Variants in AUTS2 observed in about 807,000 individuals in gnomAD.
AUTS2 encodes the protein autism susceptibility gene 2 protein.
A neutral mutation model predicts 112.4 loss-of-function variants in AUTS2; 17 were observed. The observed-to-expected ratio is 0.15, with a 90% confidence interval of 0.10 to 0.23. AUTS2 has a LOEUF of 0.23. Ranked by LOEUF, AUTS2 falls within the 10% of genes least tolerant of loss-of-function variation. AUTS2 has a pLI of 1.00. For synonymous variants in AUTS2, 751 were observed against 702.7 expected, an observed-to-expected ratio of 1.07 and a Z score of -1.09; for missense variants, 1,510 against 1,701.6, an observed-to-expected ratio of 0.89 and a Z score of 1.98.
chr7:70,418,075 CTGTGTGTG>C (rs34869843), intron 4 of AUTS2, among the ~76,000 whole-genome samples: 16 of 136,462 alleles, frequency 1.2e-4, no homozygotes, highest in African/African-American at 2.9e-4. Context: ...GGCTAACTTT[CTGTGTGTG>C]TGTGTGTGTG....
intron 4 of AUTS2, among the ~76,000 whole-genome samples, chr7:70,300,334 G>A (rs1162095625): frequency 1.3e-5 from 2 of 152,180 alleles, no homozygotes; most frequent in African/African-American, 4.8e-5. Flanking sequence ...TGAGCCACGT[G>A]CGGGCTGCGG....
intron 1 of AUTS2, among the ~76,000 whole-genome samples, chr7:69,891,056 A>G (rs1794497175): frequency 6.6e-6 from 1 of 152,208 alleles, no homozygotes; most frequent in Admixed American, 6.5e-5. Context: ...TGACATGTGT[A>G]TATACCCATG....
Position 70,787,191 on chromosome 7 carries a change from T to A in AUTS2, c.2309-18T>A. On this transcript the variant is annotated intron_variant, in intron 17 of 18. Coordinates refer to ENST00000342771, the MANE Select transcript of AUTS2 (RefSeq NM_015570.4). The stretch of plus-strand genomic sequence containing the variant: ...TAATTTCTCTTAAACCTTTTTGTTC[T>A]CCACTTCACCATTTCAGCACCCAAC... The A allele has an allele frequency of 6.2e-7, 1 of 1,613,274 alleles. No individual in the cohort carries two copies. Among genetic ancestry groups the A allele is most frequent in the Non-Finnish European group, 8.5e-7 (1 of 1,179,350 alleles).
In AUTS2 at chr7:70,610,015, TCTCA is replaced by T. The variant is rs1012345294; in HGVS notation, c.691-88550_691-88547del. Among the ~76,000 whole-genome samples, 4 of 151,776 alleles carry T rather than the reference TCTCA, an allele frequency of 2.6e-5. 1 individual carries two copies. The highest frequency in any genetic ancestry group is 6.6e-5 in the Admixed American group (1 of 15,232). ...TTGTTGTTGTTGTTTTGAGACAGAA[TCTCA>T]CTCTGTCGCTTACTTAAGTTGGAGT... On this transcript the variant is annotated intron_variant, in intron 5 of 18. Coordinates refer to ENST00000342771, the MANE Select transcript of AUTS2 (RefSeq NM_015570.4).
chr7:70,086,047 C>T (rs1584698438), intron 2 of AUTS2, among the ~76,000 whole-genome samples: 1 of 152,158 alleles, frequency 6.6e-6, no homozygotes, highest in East Asian at 1.9e-4. Context: ...ACACCAATAC[C>T]ACGTCTTGAT....
chr7:70,406,714 T>C (rs537663440), intron 4 of AUTS2, among the ~76,000 whole-genome samples: 2 of 152,298 alleles, frequency 1.3e-5, no homozygotes. Context: ...ACCCAAGGCA[T>C]TTCCCAGTGA....
At position 70,435,791 on chromosome 7, in the gene AUTS2, C is replaced by T. The variant is rs755646920; in HGVS notation, c.690+10C>T. The T allele has an allele frequency of 1.1e-5, 18 of 1,613,578 alleles. No individual in the cohort carries two copies. The Admixed American group carries it at 2.7e-4, about 24-fold the overall frequency. On this transcript the variant is annotated intron_variant, in intron 5 of 18. Transcript: ENST00000342771. The stretch of plus-strand genomic sequence containing the variant: ...TGACCAGGAAGAGAAGGTAAGACCC[C>T]CCCTCCCCCATTGTGGGCACAGCAC...
At chr7:70,277,745 AT>A (rs2129609914) in intron 4 of AUTS2, among the ~76,000 whole-genome samples, 1 of 152,286 alleles carries the variant, frequency 6.6e-6, no homozygotes, top group South Asian at 2.1e-4. Flanking sequence ...CAGATTCTAG[AT>A]TTCTGTTTTT....
At chr7:70,054,831 G>A (rs1378688759) in intron 2 of AUTS2, among the ~76,000 whole-genome samples, 2 of 152,104 alleles carry the variant, frequency 1.3e-5, no homozygotes, top group African/African-American at 4.8e-5. Flanking sequence ...TTACTTTTCA[G>A]TAGGGGGTTT....
At chr7:70,446,474 T>C (rs1232800141) in intron 5 of AUTS2, among the ~76,000 whole-genome samples, 1 of 152,166 alleles carries the variant, frequency 6.6e-6, no homozygotes, top group Non-Finnish European at 1.5e-5. Context: ...GTAGAAAATT[T>C]GTATTTACTT....
intron 15 of AUTS2, chr7:70,783,038 C>A (rs919853095): frequency 6.6e-6 from 1 of 152,196 alleles, no homozygotes; most frequent in African/African-American, 2.4e-5. Context: ...GAATAGATTT[C>A]TCTCTGGCTT....
chr7:69,798,293 A>G (rs1384004886), intron 1 of AUTS2, among the ~76,000 whole-genome samples: 1 of 152,280 alleles, frequency 6.6e-6, no homozygotes, highest in East Asian at 1.9e-4. Flanking sequence ...CATGAGAAAG[A>G]TGATACCCCA....
At chr7:69,702,249 T>C (rs1317669711) in intron 1 of AUTS2, among the ~76,000 whole-genome samples, 1 of 152,182 alleles carries the variant, frequency 6.6e-6, no homozygotes, top group Non-Finnish European at 1.5e-5. Context: ...GGAAAACCTT[T>C]ATTCAGAAGC....
chr7:70,234,714 G>A (rs1812230309), intron 4 of AUTS2, among the ~76,000 whole-genome samples: 1 of 152,178 alleles, frequency 6.6e-6, no homozygotes, highest in Non-Finnish European at 1.5e-5. Flanking sequence ...GGCTATTTGG[G>A]TGGTGGTCCT....
chr7:70,305,494 T>G (rs1342635919), intron 4 of AUTS2, among the ~76,000 whole-genome samples: 1 of 152,242 alleles, frequency 6.6e-6, no homozygotes, highest in Non-Finnish European at 1.5e-5. Context: ...AATTTCCCTT[T>G]TAGTAGAAAG....
chr7:69,828,326 A>G (rs898779409), intron 1 of AUTS2, among the ~76,000 whole-genome samples: 2 of 152,134 alleles, frequency 1.3e-5, no homozygotes, highest in African/African-American at 4.8e-5. Flanking sequence ...TATAATTTCT[A>G]TCTGGTTGTT....
chr7:70,723,408 C>G (rs1476600491), intron 6 of AUTS2, among the ~76,000 whole-genome samples: 1 of 152,034 alleles, frequency 6.6e-6, no homozygotes, highest in African/African-American at 2.4e-5. Flanking sequence ...TCATAGACCT[C>G]CAAGGGCACT....
At chr7:70,713,915 A>G (rs1344854077) in intron 6 of AUTS2, among the ~76,000 whole-genome samples, 1 of 150,850 alleles carries the variant, frequency 6.6e-6, no homozygotes, top group East Asian at 1.9e-4. Context: ...AAAAAGATAC[A>G]GCTTGCGGGG....
intron 1 of AUTS2, among the ~76,000 whole-genome samples, chr7:69,674,136 G>A (rs1186833712): frequency 1.3e-5 from 2 of 152,188 alleles, no homozygotes; most frequent in South Asian, 2.1e-4. Flanking sequence ...TCTGGGACAA[G>A]CCTGAAAAGA....
Sources: gnomAD v4.1 joint callset for allele counts (sites outside exome capture counted in the v4.1 genomes callset) on GRCh38, gnomAD v4.1.1 for gene constraint, MANE v1.5 for transcripts, NCBI Gene and HGNC (gene_info 2026-07-23, HGNC 2026-07-21) for gene names.